ACSM2A: variants seen among roughly 807,000 people sequenced by gnomAD.
The protein encoded by ACSM2A is acyl-CoA synthetase medium chain family member 2A.
ACSM2A carries 72 observed loss-of-function variants against 76.6 expected under a neutral mutation model. The ratio of observed to expected loss-of-function variants is 0.94; its 90% CI spans 0.78 to 1.14. The LOEUF is 1.14. Ranked by LOEUF, ACSM2A falls within the 50% of genes most tolerant of loss-of-function variation. The pLI, the probability that ACSM2A is intolerant of heterozygous loss-of-function variation, is 0.00. For synonymous variants in ACSM2A, 249 were observed against 255.9 expected (o/e 0.97, Z 0.26); for missense variants, 684 against 708.5 (o/e 0.97, Z 0.39).
chr16:20,476,480 C>A (rs2013744927), intron 8 of ACSM2A: 1 of 985,458 alleles, frequency 1.0e-6, no homozygotes, highest in Non-Finnish European at 1.2e-6. Context: ...AGGTTGACGG[C>A]AGCTCTGTGG....
At position 20,478,800 on chromosome 16, in the gene ACSM2A, G is replaced by T. The variant is rs555465508; in HGVS notation, c.1281+123G>T. 3.8e-6 allele frequency: 5 copies of T among 1,299,656 alleles called. No individual in the cohort carries two copies. The South Asian group carries it at 1.0e-4, about 26-fold the overall frequency. 80.5% of individuals were successfully genotyped at this position (1,299,656 alleles called of 1,614,324 possible). A position where few individuals can be genotyped will look rare whatever the true frequency, so the allele number is the denominator to read the frequency against. ...TAGATGTGGAGACAAAGACTGTCCAGTTTTCAAGAATGTATGCTTTGCCAG... is the reference window on the plus strand; with the variant it reads ...TAGATGTGGAGACAAAGACTGTCCATTTTTCAAGAATGTATGCTTTGCCAG... On this transcript the variant is annotated intron_variant, in intron 10 of 13. Coordinates refer to ENST00000573854, the MANE Select transcript of ACSM2A (RefSeq NM_001308172.2).
At chr16:20,480,196 G>A (rs1479707784) in intron 10 of ACSM2A, among the ~76,000 whole-genome samples, 1 of 152,218 alleles carries the variant, frequency 6.6e-6, no homozygotes. Flanking sequence ...AAGAAGCTAA[G>A]AAAATTACCT....
Position 20,471,694 on chromosome 16 carries a change from G to A in ACSM2A, c.894+5G>A, listed in dbSNP as rs368864908. On this transcript the variant is annotated splice_donor_5th_base_variant and intron_variant, in intron 6 of 13. Transcript: ENST00000573854. ...GACCCACTGGTTATTCTAAAGGTAA[G>A]AGAGGATCCAGTTTGCAGCAGTTAT... 137 of 1,605,054 alleles carry A rather than the reference G, an allele frequency of 8.5e-5. No individual in the cohort carries two copies. Among genetic ancestry groups the A allele is most frequent in the Non-Finnish European group, 1.0e-4 (122 of 1,175,066 alleles).
Position 20,465,689 on chromosome 16 carries a change from C to T in ACSM2A, c.350C>T (p.Pro117Leu). Residue 117 changes from proline to leucine, a missense_variant, in exon 3 of 14, where the codon CCT (proline) becomes CTT (leucine). By Grantham distance (98) the Pro-to-Leu change is moderately conservative (BLOSUM62 -3). Transcript: ENST00000573854. ...DRVAVVLPRV[P>L]EWWLVILGCI... Reference sequence around the variant, plus strand: ...GTGGCAGTGGTGCTGCCCCGAGTGCCTGAGTGGTGGCTGGTGATCCTGGGC... The same window carrying T: ...GTGGCAGTGGTGCTGCCCCGAGTGCTTGAGTGGTGGCTGGTGATCCTGGGC... The T allele has an allele frequency of 6.2e-7, 1 of 1,613,962 alleles. No homozygotes were observed. The highest frequency in any genetic ancestry group is 8.5e-7 in the Non-Finnish European group (1 of 1,179,840).
chr16:20,454,803 A>C (rs2141677705), intron 1 of ACSM2A, among the ~76,000 whole-genome samples: 1 of 151,824 alleles, frequency 6.6e-6, no homozygotes, highest in African/African-American at 2.4e-5. Flanking sequence ...ATGGATCCAA[A>C]CCAAGAAGAA....
In ACSM2A at chr16:20,465,740, C is replaced by T. The variant is rs1416409873; in HGVS notation, c.388+13C>T. On this transcript the variant is annotated intron_variant, in intron 3 of 13. Coordinates refer to ENST00000573854, the MANE Select transcript of ACSM2A (RefSeq NM_001308172.2). ...TGCATTCGAGCAGGTTGGTAACTGA[C>T]TACCTGGACAGAGAACTGTCTTCCT... 1 of 1,611,198 alleles carries T rather than the reference C, an allele frequency of 6.2e-7. No homozygotes were observed. The highest frequency in any genetic ancestry group is 2.2e-5 in the East Asian group (1 of 44,828).
At position 20,469,805 on chromosome 16, in the gene ACSM2A, G is replaced by A. The variant is rs180841335; in HGVS notation, c.596+86G>A. The A allele has an allele frequency of 1.4e-4, 218 of 1,581,170 alleles. No individual in the cohort carries two copies. In the African/African-American group the frequency reaches 2.3e-3, roughly 16 times the overall value. ...TAGGTGCAGGTGCTTTATTGAGGAG[G>A]TGCAGAAAGAACAGCATGGGACTAG... On this transcript the variant is annotated intron_variant, in intron 4 of 13. Coordinates refer to ENST00000573854, the MANE Select transcript of ACSM2A (RefSeq NM_001308172.2).
At chr16:20,470,350 A>C (rs1505100) in intron 4 of ACSM2A, among the ~76,000 whole-genome samples, 10 of 151,880 alleles carry the variant, frequency 6.6e-5, no homozygotes, top group South Asian at 2.1e-4. Context: ...AGGGCAGAGG[A>C]CTTTCCATGT....
At chr16:20,455,735 A>AT (rs897871434) in intron 1 of ACSM2A, among the ~76,000 whole-genome samples, 75 of 142,890 alleles carry the variant, frequency 5.2e-4, no homozygotes, top group African/African-American at 2.0e-3. Context: ...CAAAAATACA[A>AT]TAAAAAAAAA....
chr16:20,465,645 C>T lies in ACSM2A; in HGVS notation c.306C>T (p.Gly102=), dbSNP rs889245285. 2.5e-6 allele frequency: 4 copies of T among 1,613,890 alleles called. No individual in the cohort carries two copies. The highest frequency in any genetic ancestry group is 3.4e-6 in the Non-Finnish European group (4 of 1,179,878). The part of the protein sequence containing the change: ...QAANVLSGAC[G]LQRGDRVAVV... ...CCAACGTCCTCTCGGGAGCCTGTGG[C>T]CTGCAGCGTGGGGATCGTGTGGCAG... Residue 102 remains glycine, a synonymous_variant, in exon 3 of 14, where the codon GGC becomes GGT. Coordinates refer to ENST00000573854, the MANE Select transcript of ACSM2A (RefSeq NM_001308172.2).
At chr16:20,468,722 A>G (rs2013173489) in intron 3 of ACSM2A, among the ~76,000 whole-genome samples, 1 of 152,210 alleles carries the variant, frequency 6.6e-6, no homozygotes, top group Non-Finnish European at 1.5e-5. Flanking sequence ...AATAGGAAAC[A>G]AGAACAAGAA....
intron 6 of ACSM2A, chr16:20,473,912 C>A (rs563277812): frequency 5.4e-6 from 2 of 367,074 alleles, no homozygotes; most frequent in East Asian, 1.6e-4. Flanking sequence ...CTTGGGTCTC[C>A]ACAATTATTT....
At chr16:20,477,522 T>G in intron 9 of ACSM2A, 73 bp downstream of exon 9, 1 of 1,527,064 alleles carries the variant, frequency 6.5e-7, no homozygotes, top group Non-Finnish European at 8.8e-7. Flanking sequence ...TTTTCCATTG[T>G]TTATTGAGTC....
intron 9 of ACSM2A, among the ~76,000 whole-genome samples, chr16:20,477,812 C>A (rs13337039): frequency 6.6e-6 from 1 of 152,148 alleles, no homozygotes; most frequent in Non-Finnish European, 1.5e-5. Flanking sequence ...TCAATTAATG[C>A]CAACCTGCAG....
In ACSM2A at chr16:20,471,084, C is replaced by A; in HGVS notation, c.608C>A (p.Thr203Asn). Residue 203 changes from threonine (T) to asparagine (N), a missense_variant, in exon 5 of 14, where the codon ACC becomes AAC. By Grantham distance (65) the Thr-to-Asn change is moderately conservative. Coordinates refer to ENST00000573854, the MANE Select transcript of ACSM2A (RefSeq NM_001308172.2). ...TGTGTCTCTGTCAGTGAGGCATCCA[C>A]CACTCATCACTGTGTGGAGACTGGA... ...NFKKLLNEAS[T>N]THHCVETGSQ... 6.2e-7 allele frequency: 1 copy of A among 1,613,432 alleles called. No homozygotes were observed. Among genetic ancestry groups the A allele is most frequent in the Non-Finnish European group, 8.5e-7 (1 of 1,179,554 alleles).
chr16:20,478,231 A>G (rs2013862486), intron 9 of ACSM2A, among the ~76,000 whole-genome samples: 1 of 152,220 alleles, frequency 6.6e-6, no homozygotes, highest in South Asian at 2.1e-4. Context: ...CTAGTAAGGT[A>G]GCAGAGTAAA....
chr16:20,457,824 G>C (rs2012283480), intron 1 of ACSM2A, among the ~76,000 whole-genome samples: 1 of 152,022 alleles, frequency 6.6e-6, no homozygotes, highest in Admixed American at 6.6e-5. Flanking sequence ...AGATCAATCA[G>C]ACAAGAGAAA....
chr16:20,470,254 C>T (rs1448167757), intron 4 of ACSM2A, among the ~76,000 whole-genome samples: 1 of 152,144 alleles, frequency 6.6e-6, no homozygotes, highest in Non-Finnish European at 1.5e-5. Context: ...AGGCCAAGGT[C>T]ATGAGGGAAA....
chr16:20,470,741 T>A, intron 4 of ACSM2A: 1 of 502,186 alleles, frequency 2.0e-6, no homozygotes, highest in South Asian at 1.6e-5. Flanking sequence ...ATTTATTGAG[T>A]TCTTACTAAG....
Sources: gnomAD v4.1 joint callset for allele counts (sites outside exome capture counted in the v4.1 genomes callset) on GRCh38, gnomAD v4.1.1 for gene constraint, MANE v1.5 for transcripts, NCBI Gene and HGNC (gene_info 2026-07-23, HGNC 2026-07-21) for gene names.